The following KAZN variants were observed in gnomAD, a reference collection of about 807,000 sequenced individuals.
KAZN encodes kazrin, periplakin interacting protein.
In KAZN, 40 loss-of-function variants were observed where a neutral mutation model predicts 87.4. That is an observed-to-expected ratio of 0.46 (90% CI 0.36 to 0.60). KAZN has a LOEUF of 0.60. Among genes scored for constraint, KAZN ranks in the 20% least tolerant of loss-of-function variants. The probability of loss-of-function intolerance (pLI) is 0.00; values close to 1 mark genes in which losing one functional copy is unlikely to be tolerated. For missense variants in KAZN, 898 were observed against 1,073.9 expected, an observed-to-expected ratio of 0.84 and a Z score of 2.29; for synonymous variants, 466 against 458.3, an observed-to-expected ratio of 1.02 and a Z score of -0.22.
intron 2 of KAZN, among the ~76,000 whole-genome samples, chr1:14,270,269 C>T (rs930562335): frequency 3.3e-5 from 5 of 152,170 alleles, no homozygotes; most frequent in Non-Finnish European, 7.3e-5. Context: ...GGGCCAGCCC[C>T]ACTAAAACCA....
At chr1:14,223,991 T>A (rs1181675251) in intron 2 of KAZN, among the ~76,000 whole-genome samples, 2 of 152,142 alleles carry the variant, frequency 1.3e-5, no homozygotes, top group African/African-American at 4.8e-5. Flanking sequence ...TTCACGATCG[T>A]CAGGGCACAG....
chr1:14,835,400 G>T (rs559003663), intron 1 of KAZN, among the ~76,000 whole-genome samples: 2 of 152,150 alleles, frequency 1.3e-5, no homozygotes, highest in African/African-American at 4.8e-5. Context: ...CTTGTACCCC[G>T]TAGGCAGAGC....
intron 2 of KAZN, among the ~76,000 whole-genome samples, chr1:14,367,277 T>C (rs1396400092): frequency 6.6e-6 from 1 of 152,004 alleles, no homozygotes; most frequent in East Asian, 1.9e-4. Context: ...GGAAGGGAGA[T>C]GGAGCGAGAA....
At chr1:14,987,561 C>T (rs1486378512) in intron 2 of KAZN, among the ~76,000 whole-genome samples, 1 of 152,152 alleles carries the variant, frequency 6.6e-6, no homozygotes, top group Non-Finnish European at 1.5e-5. Context: ...AGGAGGCCCC[C>T]GGAGCTCAGG....
chr1:14,900,753 C>A (rs200850530), intron 1 of KAZN, among the ~76,000 whole-genome samples: 43 of 131,986 alleles, frequency 3.3e-4, no homozygotes, highest in Non-Finnish European at 3.0e-4. Context: ...GACTCCATCT[C>A]AAAAAAAAAA....
At chr1:14,170,361 C>T (rs1055617137) in intron 1 of KAZN, among the ~76,000 whole-genome samples, 1 of 151,420 alleles carries the variant, frequency 6.6e-6, no homozygotes, top group Non-Finnish European at 1.5e-5. Context: ...GACTCTTTCA[C>T]TGGGTCAAGG....
At chr1:14,667,221 G>T (rs1441312027) in intron 1 of KAZN, among the ~76,000 whole-genome samples, 1 of 152,206 alleles carries the variant, frequency 6.6e-6, no homozygotes, top group East Asian at 1.9e-4. Flanking sequence ...GGACAGATGA[G>T]GAAAGTGAAG....
chr1:14,713,023 T>C (rs1572288358), intron 1 of KAZN, among the ~76,000 whole-genome samples: 1 of 152,170 alleles, frequency 6.6e-6, no homozygotes, highest in Non-Finnish European at 1.5e-5. Context: ...CTCAGTGGCA[T>C]AGACAGTGAG....
chr1:15,083,546 G>A (rs1456284024), intron 8 of KAZN, among the ~76,000 whole-genome samples: 1 of 152,180 alleles, frequency 6.6e-6, no homozygotes, highest in Non-Finnish European at 1.5e-5. Flanking sequence ...TGTACGGTTT[G>A]GTAGAGCAGT....
intron 2 of KAZN, among the ~76,000 whole-genome samples, chr1:14,969,258 C>T (rs969830012): frequency 6.6e-6 from 1 of 152,254 alleles, no homozygotes; most frequent in Non-Finnish European, 1.5e-5. Context: ...TGAAAAGCTA[C>T]TTGATGTTTC....
At chr1:14,182,989 TCAGTTCCATACCCA>T (rs1358165255) in intron 2 of KAZN, among the ~76,000 whole-genome samples, 1 of 152,164 alleles carries the variant, frequency 6.6e-6, no homozygotes, top group Non-Finnish European at 1.5e-5. Flanking sequence ...AATAGCCCTC[TCAGTTCCATACCCA>T]CAGGGCCCTT....
chr1:14,739,174 T>C (rs1365720000), intron 1 of KAZN, among the ~76,000 whole-genome samples: 1 of 152,112 alleles, frequency 6.6e-6, no homozygotes, highest in African/African-American at 2.4e-5. Context: ...TGAGACTTTG[T>C]CTCAAAACAA....
chr1:15,081,730 G>A lies in KAZN; in HGVS notation c.1223-12450G>A, dbSNP rs191786374. Reference sequence around the variant, plus strand: ...AGGCCGCTGTTCAGGCCAAGGGAACGGCAGGTGCAGGGATTGGAGAGGGGG... The same window carrying A: ...AGGCCGCTGTTCAGGCCAAGGGAACAGCAGGTGCAGGGATTGGAGAGGGGG... On this transcript the variant is annotated intron_variant, in intron 8 of 14. Coordinates refer to ENST00000376030, the MANE Select transcript of KAZN (RefSeq NM_201628.3). The surrounding 1 kb of genome is among the most constrained non-coding windows in gnomAD (Gnocchi z 4.1). Among the ~76,000 whole-genome samples the A allele has an allele frequency of 2.6e-5, 4 of 152,282 alleles. No homozygotes were observed. Among genetic ancestry groups the A allele is most frequent in the Admixed American group, 2.0e-4 (3 of 15,296 alleles).
At chr1:14,459,655 C>A (rs1667755809) in intron 2 of KAZN, among the ~76,000 whole-genome samples, 1 of 152,100 alleles carries the variant, frequency 6.6e-6, no homozygotes, top group African/African-American at 2.4e-5. Flanking sequence ...ACTCACAAGC[C>A]AAATGTAAGC....
chr1:14,117,797 G>T (rs1644660545), intron 1 of KAZN, among the ~76,000 whole-genome samples: 3 of 152,162 alleles, frequency 2.0e-5, no homozygotes, highest in Admixed American at 6.5e-5. Flanking sequence ...ACTGTAAGGG[G>T]TTCTTGTTGC....
At chr1:14,066,882 G>A (rs547860285) in intron 1 of KAZN, among the ~76,000 whole-genome samples, 1 of 152,306 alleles carries the variant, frequency 6.6e-6, no homozygotes, top group Admixed American at 6.5e-5. Context: ...CCTGCCCTCT[G>A]TCCTTGTGTG....
chr1:15,095,064 T>C, intron 10 of KAZN, 131 bp downstream of exon 10: 1 of 665,000 alleles, frequency 1.5e-6, no homozygotes. Context: ...GTGACTAAGA[T>C]GGTCCGGGGA....
intron 1 of KAZN, among the ~76,000 whole-genome samples, chr1:14,707,374 C>G (rs189167377): frequency 2.8e-4 from 42 of 152,292 alleles, no homozygotes; most frequent in African/African-American, 9.1e-4. Flanking sequence ...GCCTTTCTGT[C>G]ACAATAACCA....
chr1:15,096,551 TG>T lies in KAZN; in HGVS notation c.1547+1621del, dbSNP rs1378254487. 6.6e-6 allele frequency among the ~76,000 whole-genome samples: 1 copy of T among 152,192 alleles called. No individual in the cohort carries two copies. Among genetic ancestry groups the T allele is most frequent in the Non-Finnish European group, 1.5e-5 (1 of 68,026 alleles). Reference sequence around the variant, plus strand: ...CTAAATGGGGCTGTCTTAGTCTGCTTGGGCTGCCATAACAAAATGACACCAT... The same window carrying T: ...CTAAATGGGGCTGTCTTAGTCTGCTTGGCTGCCATAACAAAATGACACCAT... On this transcript the variant is annotated intron_variant, in intron 10 of 14. Coordinates refer to ENST00000376030, the MANE Select transcript of KAZN (RefSeq NM_201628.3). The surrounding 1 kb of genome is among the most constrained non-coding windows in gnomAD (Gnocchi z 4.5).
Sources: gnomAD v4.1 joint callset for allele counts (sites outside exome capture counted in the v4.1 genomes callset) on GRCh38, gnomAD v4.1.1 for gene constraint, Gnocchi (gnomAD v3.1) non-coding constraint, MANE v1.5 for transcripts, NCBI Gene and HGNC (gene_info 2026-07-23, HGNC 2026-07-21) for gene names.